CSMD1: variants seen among roughly 807,000 people sequenced by gnomAD.
CSMD1 encodes the protein CUB and Sushi multiple domains 1.
CSMD1 carries 213 observed loss-of-function variants against 417.5 expected under a neutral mutation model. That is an observed-to-expected ratio of 0.51 (90% CI 0.46 to 0.57). The LOEUF is 0.57. CSMD1 is among the 20% of genes least tolerant of loss of function. CSMD1 has a pLI of 0.00. For synonymous variants in CSMD1, 2,862 were observed against 1,736.8 expected, an observed-to-expected ratio of 1.65 and a Z score of -16.11; for missense variants, 6,923 against 4,529.7, an observed-to-expected ratio of 1.53 and a Z score of -15.17.
At chr8:4,208,720 G>A (rs1016079997) in intron 3 of CSMD1, among the ~76,000 whole-genome samples, 3 of 152,038 alleles carry the variant, frequency 2.0e-5, no homozygotes, top group South Asian at 2.1e-4. Flanking sequence ...CAGAATTAAG[G>A]CAATAAAAAG....
chr8:3,077,675 G>A (rs13263319), intron 49 of CSMD1, among the ~76,000 whole-genome samples: 18,811 of 152,260 alleles, frequency 0.12, 1,531 homozygotes, highest in Non-Finnish European at 0.18. Flanking sequence ...GCCCATCGGG[G>A]CCTTACCCAC....
intron 2 of CSMD1, among the ~76,000 whole-genome samples, chr8:4,544,964 T>C (rs895954280): frequency 3.9e-5 from 6 of 152,032 alleles, no homozygotes; most frequent in Non-Finnish European, 8.8e-5. Flanking sequence ...AATATGTCAC[T>C]TGTTGTCTAT....
intron 8 of CSMD1, among the ~76,000 whole-genome samples, chr8:3,612,347 C>G (rs527489668): frequency 6.6e-6 from 1 of 152,186 alleles, no homozygotes; most frequent in Non-Finnish European, 1.5e-5. Flanking sequence ...GACAGATTCA[C>G]AATTTTAGTA....
intron 35 of CSMD1, among the ~76,000 whole-genome samples, chr8:3,188,333 G>T (rs1362167078): frequency 2.6e-5 from 3 of 113,878 alleles, no homozygotes; most frequent in East Asian, 2.6e-4. Context: ...TTGAGATGGA[G>T]TCTTCCTCTG....
intron 3 of CSMD1, among the ~76,000 whole-genome samples, chr8:4,190,546 T>TTC (rs1554487988): frequency 2.6e-5 from 4 of 151,520 alleles, no homozygotes; most frequent in African/African-American, 9.7e-5. Flanking sequence ...ATATAAGCTT[T>TTC]TTTTTTTTTA....
intron 4 of CSMD1, among the ~76,000 whole-genome samples, chr8:4,005,923 G>A (rs1444675257): frequency 6.6e-6 from 1 of 152,136 alleles, no homozygotes; most frequent in African/African-American, 2.4e-5. Context: ...TGACTTTGCA[G>A]AACCATGCAT....
chr8:4,025,424 T>C (rs908469257), intron 4 of CSMD1, among the ~76,000 whole-genome samples: 2 of 152,350 alleles, frequency 1.3e-5, no homozygotes, highest in Admixed American at 6.5e-5. Flanking sequence ...ACCATTATTA[T>C]TTAATAATTT....
chr8:3,963,271 T>G (rs958405226), intron 5 of CSMD1, among the ~76,000 whole-genome samples: 1 of 152,196 alleles, frequency 6.6e-6, no homozygotes, highest in African/African-American at 2.4e-5. Flanking sequence ...ATTACGAGTT[T>G]GAGGAATGCA....
chr8:3,558,725 T>C (rs1034335131), intron 10 of CSMD1, among the ~76,000 whole-genome samples: 9 of 150,148 alleles, frequency 6.0e-5, no homozygotes, highest in African/African-American at 2.0e-4. Flanking sequence ...GCTTCAGTAG[T>C]ACCCCGTGTT....
At position 4,324,579 on chromosome 8, in the gene CSMD1, T is replaced by G. The variant is rs17069921; in HGVS notation, c.415+95374A>C. Among the ~76,000 whole-genome samples the G allele has an allele frequency of 2.4e-3, 369 of 152,286 alleles. 11 individuals carry two copies. In the South Asian group the frequency reaches 0.055, roughly 23 times the overall value. On this transcript the variant is annotated intron_variant, in intron 3 of 69. Coordinates refer to ENST00000635120, the MANE Select transcript of CSMD1 (RefSeq NM_033225.6). ...CCAGGGAATAATTTCAAAGGACTGA[T>G]AAACCTACTAGGAACAAGACAGGTC...
chr8:4,585,301 A>T (rs2130712301), intron 2 of CSMD1, among the ~76,000 whole-genome samples: 1 of 152,304 alleles, frequency 6.6e-6, no homozygotes, highest in African/African-American at 2.4e-5. Flanking sequence ...CAGAAATTAA[A>T]AATTAAGCTA....
intron 29 of CSMD1, among the ~76,000 whole-genome samples, chr8:3,218,898 T>A (rs538878526): frequency 1.3e-5 from 2 of 152,122 alleles, no homozygotes; most frequent in Non-Finnish European, 2.9e-5. Flanking sequence ...AAAAAGTTAT[T>A]TTCATGTACT....
At chr8:3,274,718 A>G (rs960200933) in intron 26 of CSMD1, among the ~76,000 whole-genome samples, 1 of 152,060 alleles carries the variant, frequency 6.6e-6, no homozygotes, top group Non-Finnish European at 1.5e-5. Context: ...TTGTTGGTTT[A>G]AAGTCTGTTT....
rs563386685 is a variant in CSMD1 at position 4,984,307 on chromosome 8, T to C, written c.85+10025A>G. ...ACAAACATATGACCCCTTGGCTGCA[T>C]GAGAGTAGAAAGGAGCAAGGCCTAA... On this transcript the variant is annotated intron_variant, in intron 1 of 69. Coordinates refer to ENST00000635120, the MANE Select transcript of CSMD1 (RefSeq NM_033225.6). 3.0e-4 allele frequency among the ~76,000 whole-genome samples: 45 copies of C among 152,296 alleles called. No homozygotes were observed. The South Asian group carries it at 8.7e-3, about 29-fold the overall frequency.
intron 22 of CSMD1, among the ~76,000 whole-genome samples, chr8:3,344,221 C>G (rs921775637): frequency 2.6e-5 from 4 of 152,144 alleles, no homozygotes; most frequent in African/African-American, 9.7e-5. Flanking sequence ...GTCTGTGTCA[C>G]CATCATAATC....
At chr8:3,855,346 TCA>T (rs1301262005) in intron 5 of CSMD1, among the ~76,000 whole-genome samples, 1 of 152,106 alleles carries the variant, frequency 6.6e-6, no homozygotes, top group Non-Finnish European at 1.5e-5. Flanking sequence ...GGAAATACAC[TCA>T]CATCCTAATT....
chr8:4,407,655 T>A (rs1047702979), intron 3 of CSMD1, among the ~76,000 whole-genome samples: 4 of 152,232 alleles, frequency 2.6e-5, no homozygotes, highest in Admixed American at 1.3e-4. Flanking sequence ...AATTAGTGCC[T>A]TTGTCTTTGT....
chr8:3,758,561 C>G (rs903656229), intron 5 of CSMD1, among the ~76,000 whole-genome samples: 2 of 152,166 alleles, frequency 1.3e-5, no homozygotes, highest in Non-Finnish European at 2.9e-5. Flanking sequence ...ATGCTATAAA[C>G]TCAGTTGTTT....
At chr8:4,401,923 C>T (rs1278425736) in intron 3 of CSMD1, among the ~76,000 whole-genome samples, 1 of 152,004 alleles carries the variant, frequency 6.6e-6, no homozygotes, top group African/African-American at 2.4e-5. Context: ...TTATTGAAGC[C>T]ATCCATCCCA....
Sources: allele counts gnomAD v4.1 joint callset (sites outside exome capture counted in the v4.1 genomes callset), GRCh38; gene constraint gnomAD v4.1.1; transcripts MANE v1.5; gene names NCBI Gene and HGNC (gene_info 2026-07-23, HGNC 2026-07-21).